Variants in GLIS3 observed in about 807,000 individuals in gnomAD.
The protein encoded by GLIS3 is zinc finger protein GLIS3.
In GLIS3, 53 loss-of-function variants were observed where a neutral mutation model predicts 78.6. The observed-to-expected ratio is 0.67, with a 90% confidence interval of 0.54 to 0.85. The LOEUF (loss-of-function observed/expected upper bound fraction) is 0.85. Ranked by LOEUF, GLIS3 falls within the 40% of genes least tolerant of loss-of-function variation. The pLI is 0.00. For synonymous variants in GLIS3, 684 were observed against 509.9 expected, an observed-to-expected ratio of 1.34 and a Z score of -4.60; for missense variants, 1,703 against 1,231.1, an observed-to-expected ratio of 1.38 and a Z score of -5.74.
chr9:4,019,156 C>G (rs74828772), intron 4 of GLIS3, among the ~76,000 whole-genome samples: 13,575 of 152,236 alleles, frequency 0.089, 780 homozygotes, highest in South Asian at 0.19. Context: ...AGAATGTTCA[C>G]TCTTTGGAAC....
At chr9:4,263,513 C>CAAAAA (rs60965547) in intron 2 of GLIS3, among the ~76,000 whole-genome samples, 1 of 150,090 alleles carries the variant, frequency 6.7e-6, no homozygotes. Flanking sequence ...GCATTGAGGC[C>CAAAAA]AAAAAAAAAG....
chr9:4,330,597 G>C lies in GLIS3; in HGVS notation n.264+16484C>G, dbSNP rs529663270. Among the ~76,000 whole-genome samples, 88 of 149,896 alleles carry C rather than the reference G, an allele frequency of 5.9e-4. 1 individual carries two copies. The highest frequency in any genetic ancestry group is 2.1e-3 in the African/African-American group (82 of 39,692). The stretch of plus-strand genomic sequence containing the variant: ...GAGAGGTGGAGGTGAAGGTTGGATG[G>C]AGATGAGGAGAGGTGGAGGTGAAGG... On this transcript the variant is annotated intron_variant and non_coding_transcript_variant, in intron 2 of 4. Transcript: ENST00000471664.
the GLIS3 span, among the ~76,000 whole-genome samples, chr9:4,467,333 C>T: frequency 1.1e-4 from 16 of 152,338 alleles, no homozygotes; most frequent in Non-Finnish European, 2.1e-4. Context: ...AGACTGCCTC[C>T]TCAAGTGGGT....
the GLIS3 span, among the ~76,000 whole-genome samples, chr9:4,428,571 G>A: frequency 2.0e-5 from 3 of 151,652 alleles, no homozygotes; most frequent in Non-Finnish European, 2.9e-5. Context: ...ATTATGTGTG[G>A]TTTCAGAGGG....
At chr9:4,044,781 C>G (rs796475354) in intron 4 of GLIS3, among the ~76,000 whole-genome samples, 3 of 152,168 alleles carry the variant, frequency 2.0e-5, no homozygotes, top group Non-Finnish European at 4.4e-5. Flanking sequence ...AAGCAAAAAC[C>G]TGGGACTAAC....
the GLIS3 span, among the ~76,000 whole-genome samples, chr9:4,444,099 G>A: frequency 6.6e-6 from 1 of 152,172 alleles, no homozygotes; most frequent in African/African-American, 2.4e-5. Context: ...TGATCTGGTG[G>A]TCAGTCATAG....
Position 4,235,310 on chromosome 9 carries a change from A to AAAAAG in GLIS3, c.388+50727_388+50728insCTTTT, listed in dbSNP as rs1554629686. 4.9e-4 allele frequency among the ~76,000 whole-genome samples: 74 copies of AAAAAG among 151,680 alleles called. 2 individuals are homozygous for AAAAAG. The highest frequency in any genetic ancestry group is 9.6e-4 in the Non-Finnish European group (65 of 67,884). ...TGAGACTCTGTCTCAAAAAAAAAAA[A>AAAAAG]AAAAAACTGATGGGGGGAGTCATTG... is the stretch of plus-strand genomic sequence containing the variant. On this transcript the variant is annotated intron_variant, in intron 2 of 10. Coordinates refer to ENST00000381971, the MANE Select transcript of GLIS3 (RefSeq NM_001042413.2).
chr9:4,033,487 C>T (rs116544716), intron 4 of GLIS3, among the ~76,000 whole-genome samples: 122 of 152,222 alleles, frequency 8.0e-4, no homozygotes, highest in African/African-American at 2.8e-3. Flanking sequence ...CCTTCCTGGA[C>T]GTGCAGACTC....
At chr9:4,102,826 A>C (rs901809068) in intron 4 of GLIS3, among the ~76,000 whole-genome samples, 19 of 152,156 alleles carry the variant, frequency 1.2e-4, no homozygotes, top group Non-Finnish European at 1.5e-5. Context: ...ACACAAACAA[A>C]TACACACACA....
At chr9:4,479,007 C>T in the GLIS3 span, among the ~76,000 whole-genome samples, 1 of 152,106 alleles carries the variant, frequency 6.6e-6, no homozygotes, top group African/African-American at 2.4e-5. Context: ...TTAGCCAAAT[C>T]CAGAATGTGG....
chr9:4,305,716 A>G (rs949662475), intron 4 of GLIS3: 14 of 151,194 alleles, frequency 9.3e-5, no homozygotes, highest in African/African-American at 3.2e-4. Flanking sequence ...TCTTCTTTCT[A>G]GAGAGCCACT....
intron 9 of GLIS3, among the ~76,000 whole-genome samples, chr9:3,838,640 A>G (rs1345660962): frequency 6.6e-6 from 1 of 152,196 alleles, no homozygotes; most frequent in East Asian, 1.9e-4. Context: ...AGGGATTCAA[A>G]CACTCCCTGT....
At chr9:4,099,416 C>T (rs933999519) in intron 4 of GLIS3, among the ~76,000 whole-genome samples, 1 of 151,698 alleles carries the variant, frequency 6.6e-6, no homozygotes, top group Non-Finnish European at 1.5e-5. Flanking sequence ...CTTGGAGTTG[C>T]CCCCCCGAGC....
intron 2 of GLIS3, among the ~76,000 whole-genome samples, chr9:4,177,653 G>A (rs1160045968): frequency 1.3e-5 from 2 of 152,148 alleles, no homozygotes; most frequent in African/African-American, 4.8e-5. Context: ...ACCTTTCCCA[G>A]GGTGTAAAAA....
At chr9:3,925,005 A>AGAGGGTCGTCATTCCTT (rs1825127348) in intron 6 of GLIS3, among the ~76,000 whole-genome samples, 1 of 152,192 alleles carries the variant, frequency 6.6e-6, no homozygotes, top group Non-Finnish European at 1.5e-5. Flanking sequence ...AACACCTGTC[A>AGAGGGTCGTCATTCCTT]GAGGGTCGTC....
At chr9:4,194,901 G>A (rs1818667702) in intron 2 of GLIS3, among the ~76,000 whole-genome samples, 1 of 152,226 alleles carries the variant, frequency 6.6e-6, no homozygotes, top group South Asian at 2.1e-4. Flanking sequence ...AGGACCAAGA[G>A]CAGGAGGCCA....
upstream of GLIS3, among the ~76,000 whole-genome samples, chr9:4,301,193 T>C (rs747288197): frequency 1.0e-3 from 154 of 152,336 alleles, 1 homozygote; most frequent in Non-Finnish European, 1.5e-3. Context: ...ACTTTTTCTT[T>C]TCTTTTCCTT....
At chr9:3,895,125 C>G (rs369658563) in intron 7 of GLIS3, among the ~76,000 whole-genome samples, 335 of 152,336 alleles carry the variant, frequency 2.2e-3, no homozygotes, top group African/African-American at 7.7e-3. Context: ...TCCATGATAT[C>G]TCAGACTCAC....
chr9:4,337,093 T>C (rs1271779442), intron 2 of GLIS3, among the ~76,000 whole-genome samples: 1 of 152,222 alleles, frequency 6.6e-6, no homozygotes, highest in Non-Finnish European at 1.5e-5. Flanking sequence ...TCAGAGTTGG[T>C]AGTGTCATTG....
Sources: allele counts gnomAD v4.1 joint callset (sites outside exome capture counted in the v4.1 genomes callset), GRCh38; gene constraint gnomAD v4.1.1; transcripts MANE v1.5; gene names NCBI Gene and HGNC (gene_info 2026-07-23, HGNC 2026-07-21).